ARHGEF12: variants seen among roughly 807,000 people sequenced by gnomAD.
The protein encoded by ARHGEF12 is KMT2A/ARHGEF12 fusion protein.
A neutral mutation model predicts 211.2 loss-of-function variants in ARHGEF12; 66 were observed. That is an observed-to-expected ratio of 0.31 (90% confidence interval 0.26 to 0.38). The LOEUF (loss-of-function observed/expected upper bound fraction) is 0.38. Ranked by LOEUF, ARHGEF12 falls within the 10% of genes least tolerant of loss-of-function variation. The pLI, the probability that ARHGEF12 is intolerant of heterozygous loss-of-function variation, is 1.00. For synonymous variants in ARHGEF12, 592 were observed against 638.4 expected, an observed-to-expected ratio of 0.93 and a Z score of 1.09; for missense variants, 1,429 against 1,869.5, an observed-to-expected ratio of 0.76 and a Z score of 4.34.
intron 38 of ARHGEF12, 60 bp downstream of exon 38, chr11:120,480,490 A>G (rs1260353351): frequency 2.0e-6 from 3 of 1,484,842 alleles, no homozygotes; most frequent in South Asian, 2.6e-5. Context: ...ACTGTCCTGT[A>G]TTTTGAAATG....
chr11:120,394,668 C>G (rs1025034858), intron 1 of ARHGEF12, among the ~76,000 whole-genome samples: 2 of 151,840 alleles, frequency 1.3e-5, no homozygotes, highest in African/African-American at 2.4e-5. Context: ...TATTAAACCT[C>G]TAGCCAGCTG....
At chr11:120,433,265 G>GT (rs1396303453) in intron 11 of ARHGEF12, among the ~76,000 whole-genome samples, 3 of 152,116 alleles carry the variant, frequency 2.0e-5, no homozygotes, top group African/African-American at 7.2e-5. Flanking sequence ...TTGAAAATGC[G>GT]TAACATTTTG....
intron 1 of ARHGEF12, among the ~76,000 whole-genome samples, chr11:120,397,487 A>G (rs1944425727): frequency 6.6e-6 from 1 of 152,214 alleles, no homozygotes; most frequent in African/African-American, 2.4e-5. Flanking sequence ...TTACAAGGAT[A>G]TTTGTTATAA....
At chr11:120,430,235 A>C (rs1001610436) in intron 10 of ARHGEF12, among the ~76,000 whole-genome samples, 1 of 152,098 alleles carries the variant, frequency 6.6e-6, no homozygotes, top group Non-Finnish European at 1.5e-5. Flanking sequence ...AAATATATGG[A>C]CAAGCATTTT....
chr11:120,342,455 T>G (rs1264116734), intron 1 of ARHGEF12, among the ~76,000 whole-genome samples: 1 of 152,224 alleles, frequency 6.6e-6, no homozygotes, highest in African/African-American at 2.4e-5. Flanking sequence ...TGTATGATTC[T>G]AAATGTTTCA....
At chr11:120,344,188 C>T (rs1942623270) in intron 1 of ARHGEF12, among the ~76,000 whole-genome samples, 1 of 143,222 alleles carries the variant, frequency 7.0e-6, no homozygotes, top group Non-Finnish European at 1.5e-5. Context: ...ATCACTTGAA[C>T]CCGGGAGGCG....
At chr11:120,359,887 A>G (rs1348684542) in intron 1 of ARHGEF12, among the ~76,000 whole-genome samples, 1 of 152,272 alleles carries the variant, frequency 6.6e-6, no homozygotes, top group African/African-American at 2.4e-5. Context: ...AACATTGTTC[A>G]GTAGTTAAAT....
chr11:120,438,038 G>T (rs1035252432), intron 12 of ARHGEF12, among the ~76,000 whole-genome samples: 4 of 152,144 alleles, frequency 2.6e-5, no homozygotes, highest in Admixed American at 6.5e-5. Flanking sequence ...CTTGCCTTCA[G>T]TTTTTGTGGG....
At chr11:120,370,170 A>G (rs1943550595) in intron 1 of ARHGEF12, among the ~76,000 whole-genome samples, 1 of 152,186 alleles carries the variant, frequency 6.6e-6, no homozygotes, top group Admixed American at 6.5e-5. Context: ...AATATTATGA[A>G]TATGATATGA....
chr11:120,354,250 A>G (rs1431742334), intron 1 of ARHGEF12, among the ~76,000 whole-genome samples: 1 of 152,190 alleles, frequency 6.6e-6, no homozygotes, highest in Non-Finnish European at 1.5e-5. Flanking sequence ...TAAGGCTCAA[A>G]GAGGGCTCAG....
intron 7 of ARHGEF12, among the ~76,000 whole-genome samples, chr11:120,426,222 C>T (rs1419307113): frequency 6.6e-6 from 1 of 152,118 alleles, no homozygotes; most frequent in Non-Finnish European, 1.5e-5. Flanking sequence ...TGAGTTTATG[C>T]CTGATGTCCA....
At chr11:120,478,504 AT>A in intron 37 of ARHGEF12, 115 bp downstream of exon 37, 2 of 1,015,470 alleles carry the variant, frequency 2.0e-6, no homozygotes, top group Non-Finnish European at 2.9e-6. Flanking sequence ...TATTGTGGAG[AT>A]TATAGTATTC....
At chr11:120,461,752 C>G (rs1163882083) in intron 27 of ARHGEF12, among the ~76,000 whole-genome samples, 1 of 152,214 alleles carries the variant, frequency 6.6e-6, no homozygotes, top group Non-Finnish European at 1.5e-5. Flanking sequence ...GGATAACTTA[C>G]TATAGCTTCT....
At chr11:120,479,710 G>A (rs922642684) in intron 37 of ARHGEF12, among the ~76,000 whole-genome samples, 1 of 152,158 alleles carries the variant, frequency 6.6e-6, no homozygotes, top group African/African-American at 2.4e-5. Context: ...AGAATGCTTA[G>A]ATCTTTTCAA....
At chr11:120,341,807 A>T (rs2135237265) in intron 1 of ARHGEF12, among the ~76,000 whole-genome samples, 1 of 152,346 alleles carries the variant, frequency 6.6e-6, no homozygotes, top group East Asian at 1.9e-4. Flanking sequence ...TTATTTGAAG[A>T]CATGCTCCTT....
At chr11:120,352,309 T>C (rs2135314161) in intron 1 of ARHGEF12, among the ~76,000 whole-genome samples, 1 of 152,284 alleles carries the variant, frequency 6.6e-6, no homozygotes, top group African/African-American at 2.4e-5. Context: ...TGCTTATAGA[T>C]CATTTTCCAT....
chr11:120,439,638 C>A (rs1363587825), intron 12 of ARHGEF12: 1 of 152,300 alleles, frequency 6.6e-6, no homozygotes, highest in Admixed American at 6.5e-5. Context: ...GTTAGTACTT[C>A]TCAGGTATAT....
At chr11:120,481,084 G>C (rs1168657354) in intron 38 of ARHGEF12, among the ~76,000 whole-genome samples, 176 bp from the exon 39 acceptor site, 2 of 152,202 alleles carry the variant, frequency 1.3e-5, no homozygotes, top group African/African-American at 4.8e-5. Context: ...AAAGTTTGCA[G>C]AGTTTAGCTT....
chr11:120,425,436 A>G lies in ARHGEF12; in HGVS notation c.406+1021A>G, dbSNP rs375263991. 2.0e-5 allele frequency among the ~76,000 whole-genome samples: 3 copies of G among 151,410 alleles called. No homozygotes were observed. In the East Asian group the frequency reaches 5.8e-4, roughly 29 times the overall value. ...ACTACAGCCTCCAACTTCTGGGTTC[A>G]AGTGATCCTCCCACCTTGTTTTTTG... On this transcript the variant is annotated intron_variant, in intron 7 of 40. Transcript: ENST00000397843.
Sources: gnomAD v4.1 joint callset for allele counts (sites outside exome capture counted in the v4.1 genomes callset) on GRCh38, gnomAD v4.1.1 for gene constraint, MANE v1.5 for transcripts, NCBI Gene and HGNC (gene_info 2026-07-23, HGNC 2026-07-21) for gene names.